IMMP2L: variants seen among roughly 807,000 people sequenced by gnomAD.
The protein encoded by IMMP2L is inner mitochondrial membrane peptidase subunit 2.
Under a neutral mutation model 19.3 loss-of-function variants are expected in IMMP2L, and 18 were observed. That is an observed-to-expected ratio of 0.93 (90% CI 0.64 to 1.38). The LOEUF (loss-of-function observed/expected upper bound fraction) is 1.38. IMMP2L is among the 40% of genes most tolerant of loss of function. IMMP2L has a pLI of 0.00. For missense variants in IMMP2L, 233 were observed against 218.2 expected (o/e 1.07, Z -0.43); for synonymous variants, 76 against 73.0 (o/e 1.04, Z -0.21).
chr7:111,390,839 T>C (rs1484089056), intron 3 of IMMP2L: 3 of 152,130 alleles, frequency 2.0e-5, no homozygotes, highest in Non-Finnish European at 4.4e-5. Flanking sequence ...CTGTGTATTT[T>C]TAGTATCACA....
intron 3 of IMMP2L, among the ~76,000 whole-genome samples, chr7:111,445,173 T>A (rs372486251): frequency 2.6e-5 from 4 of 152,088 alleles, no homozygotes; most frequent in African/African-American, 9.6e-5. Flanking sequence ...CTTCTCTAGA[T>A]TTATAGGGAA....
intron 1 of IMMP2L, among the ~76,000 whole-genome samples, chr7:111,529,951 A>G (rs1847237191): frequency 6.6e-6 from 1 of 152,168 alleles, no homozygotes; most frequent in African/African-American, 2.4e-5. Flanking sequence ...GATTTTTGGT[A>G]AGGACTCCTT....
intron 5 of IMMP2L, among the ~76,000 whole-genome samples, chr7:110,725,159 A>G (rs1795811824): frequency 6.6e-6 from 1 of 152,160 alleles, no homozygotes; most frequent in Non-Finnish European, 1.5e-5. Flanking sequence ...CACTGACACC[A>G]CAAAGGCATT....
chr7:111,447,179 G>A (rs1377714279), intron 3 of IMMP2L, among the ~76,000 whole-genome samples: 5 of 146,566 alleles, frequency 3.4e-5, no homozygotes, highest in South Asian at 2.2e-4. Context: ...AAGGCAGGCC[G>A]ACGTTCAGAT....
chr7:111,339,806 T>C (rs2130775945), intron 3 of IMMP2L, among the ~76,000 whole-genome samples: 1 of 152,166 alleles, frequency 6.6e-6, no homozygotes, highest in Admixed American at 6.6e-5. Flanking sequence ...GTTAGCCTTC[T>C]GTAATATATC....
chr7:111,405,081 T>C (rs533563320), intron 3 of IMMP2L, among the ~76,000 whole-genome samples: 36 of 152,288 alleles, frequency 2.4e-4, no homozygotes, highest in Non-Finnish European at 4.7e-4. Flanking sequence ...CTTTCTGAGC[T>C]AAGACATTAC....
chr7:111,073,931 T>C (rs548470899), intron 3 of IMMP2L, among the ~76,000 whole-genome samples: 2 of 152,236 alleles, frequency 1.3e-5, no homozygotes, highest in Admixed American at 1.3e-4. Context: ...GCATGTGTTA[T>C]TGGTCAGTCT....
chr7:110,682,683 G>C (rs2130460107), intron 5 of IMMP2L, among the ~76,000 whole-genome samples: 1 of 152,200 alleles, frequency 6.6e-6, no homozygotes, highest in Admixed American at 6.5e-5. Flanking sequence ...TTGTATTATT[G>C]AATCTGAGAG....
chr7:111,435,668 A>G (rs1441303786), intron 3 of IMMP2L, among the ~76,000 whole-genome samples: 1 of 151,910 alleles, frequency 6.6e-6, no homozygotes, highest in Non-Finnish European at 1.5e-5. Flanking sequence ...TGTCCCCACT[A>G]AATATATTTT....
At chr7:111,470,664 A>G (rs1053217766) in intron 3 of IMMP2L, among the ~76,000 whole-genome samples, 11 of 143,662 alleles carry the variant, frequency 7.7e-5, no homozygotes, top group Non-Finnish European at 1.2e-4. Flanking sequence ...CATAGGTGGG[A>G]ATTGAACAAT....
intron 3 of IMMP2L, among the ~76,000 whole-genome samples, chr7:111,337,303 T>C (rs905317315): frequency 6.6e-6 from 1 of 152,156 alleles, no homozygotes; most frequent in East Asian, 1.9e-4. Context: ...TTAAAGTTAT[T>C]TGAAGATATA....
intron 4 of IMMP2L, among the ~76,000 whole-genome samples, chr7:110,940,694 A>T (rs1180732131): frequency 6.6e-6 from 1 of 152,188 alleles, no homozygotes; most frequent in Non-Finnish European, 1.5e-5. Flanking sequence ...TCATCAAGGT[A>T]TGCAAATGTA....
intron 3 of IMMP2L, among the ~76,000 whole-genome samples, chr7:111,367,641 T>C (rs1358587344): frequency 2.6e-5 from 4 of 151,992 alleles, no homozygotes; most frequent in African/African-American, 9.7e-5. Context: ...ATATATCCTA[T>C]TATTTTCCCT....
chr7:111,207,796 AG>A, intron 3 of IMMP2L, among the ~76,000 whole-genome samples: 1 of 151,888 alleles, frequency 6.6e-6, no homozygotes, highest in South Asian at 2.1e-4. Flanking sequence ...AGCCTCCCAA[AG>A]TGCTGGGATT....
rs556835713 is a variant in IMMP2L, at chr7:110,694,667, T to A, written c.409-30946A>T. 3.3e-5 allele frequency among the ~76,000 whole-genome samples: 5 copies of A among 152,012 alleles called. No individual in the cohort carries two copies. The South Asian group carries it at 6.2e-4, about 19-fold the overall frequency. On this transcript the variant is annotated intron_variant, in intron 5 of 5. Transcript: ENST00000405709. ...GGAGAGAGAGAGAGATAGAGCGAATTTGGTGGTTCCTCAAAAAGTTAAACA... is the reference window on the plus strand; with the variant it reads ...GGAGAGAGAGAGAGATAGAGCGAATATGGTGGTTCCTCAAAAAGTTAAACA...
At chr7:111,381,627 G>A (rs1464998768) in intron 3 of IMMP2L, among the ~76,000 whole-genome samples, 1 of 151,914 alleles carries the variant, frequency 6.6e-6, no homozygotes, top group Non-Finnish European at 1.5e-5. Flanking sequence ...TATTGCAATC[G>A]CCAAGGTGAG....
intron 5 of IMMP2L, among the ~76,000 whole-genome samples, chr7:110,835,621 G>T (rs983933690): frequency 6.6e-6 from 1 of 150,898 alleles, no homozygotes; most frequent in Non-Finnish European, 1.5e-5. Context: ...GTTCCCAGAA[G>T]GTAGTGTTGT....
intron 3 of IMMP2L, among the ~76,000 whole-genome samples, chr7:111,084,261 G>A (rs1796119137): frequency 6.8e-6 from 1 of 147,352 alleles, no homozygotes; most frequent in South Asian, 2.1e-4. Flanking sequence ...CAAAGTTCCT[G>A]TAATTCTCTA....
chr7:110,980,798 T>C (rs566042215), intron 3 of IMMP2L, among the ~76,000 whole-genome samples: 1 of 152,308 alleles, frequency 6.6e-6, no homozygotes, highest in East Asian at 1.9e-4. Context: ...CCATATTAAC[T>C]CTTGTTATAC....
Sources: allele counts gnomAD v4.1 joint callset (sites outside exome capture counted in the v4.1 genomes callset), GRCh38; gene constraint gnomAD v4.1.1; transcripts MANE v1.5; gene names NCBI Gene and HGNC (gene_info 2026-07-23, HGNC 2026-07-21).